The following SWAP70 variants were observed in gnomAD, a reference collection of about 807,000 sequenced individuals.
SWAP70 encodes switching B cell complex subunit SWAP70, also known as switch-associated protein 70.
A neutral mutation model predicts 80.2 loss-of-function variants in SWAP70; 34 were observed. That is an observed-to-expected ratio of 0.42 (90% confidence interval 0.32 to 0.56). SWAP70 has a LOEUF of 0.56. Ranked by LOEUF, SWAP70 falls within the 20% of genes least tolerant of loss-of-function variation. SWAP70 has a pLI of 0.09. For missense variants in SWAP70, 578 were observed against 690.7 expected, an observed-to-expected ratio of 0.84 and a Z score of 1.83; for synonymous variants, 239 against 238.5, an observed-to-expected ratio of 1.00 and a Z score of -0.02.
At chr11:9,745,072 T>C (rs1292522680) in intron 9 of SWAP70, among the ~76,000 whole-genome samples, 1 of 152,102 alleles carries the variant, frequency 6.6e-6, no homozygotes, top group Non-Finnish European at 1.5e-5. Flanking sequence ...GGAAATTTTT[T>C]TGAATGAATG....
chr11:9,702,438 G>T (rs558347186), intron 2 of SWAP70, among the ~76,000 whole-genome samples: 86 of 151,538 alleles, frequency 5.7e-4, no homozygotes, highest in African/African-American at 2.0e-3. Context: ...CTGAGATAAG[G>T]TCTTGCTCTG....
chr11:9,692,071 T>A (rs1246252077), intron 1 of SWAP70, among the ~76,000 whole-genome samples: 1 of 152,104 alleles, frequency 6.6e-6, no homozygotes, highest in Non-Finnish European at 1.5e-5. Flanking sequence ...CCCTTACAGC[T>A]CACTCATCCA....
At chr11:9,706,345 ATCTGTATACACTG>A (rs1850914319) in intron 2 of SWAP70, among the ~76,000 whole-genome samples, 5 of 148,134 alleles carry the variant, frequency 3.4e-5, no homozygotes, top group African/African-American at 1.3e-4. Flanking sequence ...ATACTTGGTG[ATCTGTATACACTG>A]GTGATCTGTA....
At chr11:9,727,956 T>C in intron 4 of SWAP70, 97 bp from the exon 5 acceptor site, 1 of 1,169,256 alleles carries the variant, frequency 8.6e-7, no homozygotes, top group Non-Finnish European at 1.2e-6. Context: ...TTCAGGATCA[T>C]ATATCAAATA....
At chr11:9,676,178 A>C (rs1167859644) in intron 1 of SWAP70, among the ~76,000 whole-genome samples, 1 of 152,188 alleles carries the variant, frequency 6.6e-6, no homozygotes, top group Non-Finnish European at 1.5e-5. Flanking sequence ...TTAAGACTGT[A>C]TTATCTGTTT....
Position 9,747,966 on chromosome 11 carries a change from G to T in SWAP70, c.1464G>T (p.Gln488His). 6.2e-7 allele frequency: 1 copy of T among 1,614,234 alleles called. No individual in the cohort carries two copies. Among genetic ancestry groups the T allele is most frequent in the Non-Finnish European group, 8.5e-7 (1 of 1,180,040 alleles). Residue 488 changes from glutamine (Q) to histidine (H), a missense_variant, in exon 10 of 12, where the codon CAG (glutamine) becomes CAT (histidine). By Grantham distance (24) the Gln-to-His change is conservative. Transcript: ENST00000318950. ...CGGAGAAGCAGGAGTTGGAGAATCA[G>T]CGTGTCCTGAAGGAACAGGCCCTGC... is the stretch of plus-strand genomic sequence containing the variant. ...TEAEKQELEN[Q>H]RVLKEQALQE...
At chr11:9,667,845 G>T (rs1850327740) in intron 1 of SWAP70, among the ~76,000 whole-genome samples, 1 of 152,126 alleles carries the variant, frequency 6.6e-6, no homozygotes, top group South Asian at 2.1e-4. Context: ...ACAGGCACGA[G>T]CCACTGCACC....
chr11:9,673,875 T>C (rs1404648121), intron 1 of SWAP70, among the ~76,000 whole-genome samples: 1 of 152,098 alleles, frequency 6.6e-6, no homozygotes, highest in African/African-American at 2.4e-5. Context: ...ATTTGTTTTC[T>C]TTTTTCATTG....
chr11:9,710,781 G>C (rs1850987159), intron 2 of SWAP70, among the ~76,000 whole-genome samples: 1 of 151,494 alleles, frequency 6.6e-6, no homozygotes, highest in African/African-American at 2.4e-5. Context: ...CTGGGTACAA[G>C]CAATCCTTCT....
intron 4 of SWAP70, among the ~76,000 whole-genome samples, chr11:9,725,968 G>C (rs1378845416): frequency 6.6e-6 from 1 of 151,164 alleles, no homozygotes; most frequent in Non-Finnish European, 1.5e-5. Flanking sequence ...TGCTGAACAG[G>C]AGATATCTTG....
At chr11:9,729,624 G>A (rs946803035) in intron 6 of SWAP70, among the ~76,000 whole-genome samples, 173 bp downstream of exon 6, 8 of 152,044 alleles carry the variant, frequency 5.3e-5, no homozygotes, top group Non-Finnish European at 1.0e-4. Flanking sequence ...TCAGCCTCCA[G>A]AGTAGCTGGG....
Position 9,724,893 on chromosome 11 carries a change from TTC to T in SWAP70, c.642+10_642+11del. The stretch of plus-strand genomic sequence containing the variant: ...TTAGATGTGTTAAAGCAGGTAAGAA[TTC>T]TGTTACTGTTTTTTTTTCTCATCTT... On this transcript the variant is annotated intron_variant, in intron 4 of 11. Coordinates refer to ENST00000318950, the MANE Select transcript of SWAP70 (RefSeq NM_015055.4). The T allele has an allele frequency of 6.6e-7, 1 of 1,522,620 alleles. No individual in the cohort carries two copies. The allele number at this position is 1,522,620 out of a possible 1,614,324, so 94.3% of individuals were successfully genotyped here. A position where few individuals can be genotyped will look rare whatever the true frequency, so the allele number is the denominator to read the frequency against.
chr11:9,668,739 A>G (rs1020057785), intron 1 of SWAP70, among the ~76,000 whole-genome samples: 2 of 152,210 alleles, frequency 1.3e-5, no homozygotes, highest in Admixed American at 6.5e-5. Context: ...TGTATCCAAA[A>G]TGATGGTTAA....
chr11:9,674,298 C>T (rs1850459266), intron 1 of SWAP70, among the ~76,000 whole-genome samples: 1 of 152,082 alleles, frequency 6.6e-6, no homozygotes. Context: ...GGATGAAAAC[C>T]TATATATATT....
intron 2 of SWAP70, 88 bp downstream of exon 2, chr11:9,694,374 A>G: frequency 7.2e-7 from 1 of 1,392,234 alleles, no homozygotes; most frequent in South Asian, 1.7e-5. Context: ...TGAGTTCACT[A>G]AGGAGTTGAG....
At chr11:9,732,780 G>T in intron 7 of SWAP70, 70 bp downstream of exon 7, 1 of 1,413,072 alleles carries the variant, frequency 7.1e-7, no homozygotes, top group South Asian at 1.4e-5. Context: ...CTTGCTTAGG[G>T]GTGTTGGTTC....
At chr11:9,712,831 C>G (rs756075258) in intron 2 of SWAP70, among the ~76,000 whole-genome samples, 2 of 151,454 alleles carry the variant, frequency 1.3e-5, no homozygotes, top group East Asian at 3.9e-4. Flanking sequence ...CTCCGCCTCC[C>G]GGGTTCAGGC....
In SWAP70 at chr11:9,717,413, C is replaced by G. The variant is rs143431092; in HGVS notation, c.414+3774C>G. The stretch of plus-strand genomic sequence containing the variant: ...CTTTGGGAGGCTGAGGCGGGCAGAT[C>G]GCTTGAGCTCATGAGTTCAAGACTA... On this transcript the variant is annotated intron_variant, in intron 3 of 11. Coordinates refer to ENST00000318950, the MANE Select transcript of SWAP70 (RefSeq NM_015055.4). Among the ~76,000 whole-genome samples, 425 of 152,174 alleles carry G rather than the reference C, an allele frequency of 2.8e-3. 1 individual carries two copies. The highest frequency in any genetic ancestry group is 9.6e-3 in the African/African-American group (398 of 41,516).
At position 9,740,367 on chromosome 11, in the gene SWAP70, A is replaced by T; in HGVS notation, c.1355+20A>T. ...GGCCAGGTGCCAGATTTGTTTGCAG[A>T]CTTTGCCTTTATGTACTTTGCCTGG... is the stretch of plus-strand genomic sequence containing the variant. On this transcript the variant is annotated intron_variant, in intron 9 of 11. Coordinates refer to ENST00000318950, the MANE Select transcript of SWAP70 (RefSeq NM_015055.4). 2 of 1,613,916 alleles carry T rather than the reference A, an allele frequency of 1.2e-6. No homozygotes were observed. The highest frequency in any genetic ancestry group is 1.3e-5 in the African/African-American group (1 of 75,038).
Sources: allele counts gnomAD v4.1 joint callset (sites outside exome capture counted in the v4.1 genomes callset), GRCh38; gene constraint gnomAD v4.1.1; transcripts MANE v1.5; gene names NCBI Gene and HGNC (gene_info 2026-07-23, HGNC 2026-07-21).